The following FTCD variants were observed in gnomAD, a reference collection of about 807,000 sequenced individuals.
FTCD encodes the protein formimidoyltransferase-cyclodeaminase.
Under a neutral mutation model 62.9 loss-of-function variants are expected in FTCD, and 76 were observed. The observed-to-expected ratio is 1.21, with a 90% CI of 1.00 to 1.46. The LOEUF (loss-of-function observed/expected upper bound fraction) is 1.46. Ranked by LOEUF, FTCD falls within the 40% of genes most tolerant of loss-of-function variation. The pLI, the probability that FTCD is intolerant of heterozygous loss-of-function variation, is 0.00. For missense variants in FTCD, 845 were observed against 751.3 expected, an observed-to-expected ratio of 1.12 and a Z score of -1.46; for synonymous variants, 397 against 336.9, an observed-to-expected ratio of 1.18 and a Z score of -1.95.
At chr21:46,137,693 AGGGACTGAG>A (rs1042922546) in intron 12 of FTCD, among the ~76,000 whole-genome samples, 10 of 152,030 alleles carry the variant, frequency 6.6e-5, no homozygotes, top group African/African-American at 2.4e-4. Context: ...GACACTTCCC[AGGGACTGAG>A]GGGACACTTC....
chr21:46,150,631 G>A (rs183368903), intron 5 of FTCD, 106 bp from the exon 6 acceptor site: 1 of 1,176,296 alleles, frequency 8.5e-7, no homozygotes, highest in East Asian at 2.3e-5. Flanking sequence ...GGAGGAGCCT[G>A]TGCCTGGGTG....
At position 46,137,226 on chromosome 21, in the gene FTCD, G is replaced by C. The variant is rs750720472; in HGVS notation, c.1539+13C>G. 3 of 1,602,244 alleles carry C rather than the reference G, an allele frequency of 1.9e-6. No individual in the cohort carries two copies. Among genetic ancestry groups the C allele is most frequent in the Admixed American group, 1.7e-5 (1 of 59,992 alleles). On this transcript the variant is annotated intron_variant, in intron 13 of 13. Transcript: ENST00000397746. ...CACGTGGGGTCCGGGCACCACACCTGCCTCCTGCTCACCTGGTCCTTAAAT... is the reference window on the plus strand; with the variant it reads ...CACGTGGGGTCCGGGCACCACACCTCCCTCCTGCTCACCTGGTCCTTAAAT...
At chr21:46,149,433 G>A (rs745449103) in intron 7 of FTCD, among the ~76,000 whole-genome samples, 8 of 152,190 alleles carry the variant, frequency 5.3e-5, no homozygotes, top group Non-Finnish European at 7.3e-5. Flanking sequence ...CACAAGTCAC[G>A]AGAGCTAAAT....
In FTCD at chr21:46,150,198, T is replaced by A. The variant is rs1298155077; in HGVS notation, c.827A>T (p.Lys276Met). Reference sequence around the variant, plus strand: ...GAAGGCGGCCGCATCCAGCAGAGCCTTCAGGGGCACCAGGCCCACCAGCTG... The same window carrying A: ...GAAGGCGGCCGCATCCAGCAGAGCCATCAGGGGCACCAGGCCCACCAGCTG... ...GSQLVGLVPLKALLDAAAFYC... is the reference protein window; with the variant it reads ...GSQLVGLVPLMALLDAAAFYC... Residue 276 changes from lysine (K) to methionine (M), a missense_variant, in exon 7 of 14, where the codon AAG (lysine) becomes ATG (methionine). Coordinates refer to ENST00000397746, the MANE Select transcript of FTCD (RefSeq NM_206965.2). 1 of 1,609,614 alleles carries A rather than the reference T, an allele frequency of 6.2e-7. No individual in the cohort carries two copies. The highest frequency in any genetic ancestry group is 8.5e-7 in the Non-Finnish European group (1 of 1,178,688).
chr21:46,141,009 C>T (rs1289130537), intron 10 of FTCD, among the ~76,000 whole-genome samples: 4 of 152,266 alleles, frequency 2.6e-5, no homozygotes, highest in Non-Finnish European at 5.9e-5. Context: ...GCTCATGGTT[C>T]TCTAAACCAC....
chr21:46,151,411 CGGAGGCTGGGCCGGTCTGCAGGTG>C, intron 5 of FTCD, 123 bp downstream of exon 5: 3 of 747,092 alleles, frequency 4.0e-6, no homozygotes. Flanking sequence ...GGTGTGGACG[CGGAGGCTGGGCCGGTCTGCAGGTG>C]GGAGGCCGAA....
rs751848539 is a variant in FTCD, at chr21:46,137,041, T to C, written c.1572A>G (p.Glu524=). ...IHHRVSSLLQ[E]AKTQAALVLD... The stretch of plus-strand genomic sequence containing the variant: ...GCACCAGTGCAGCCTGGGTCTTGGC[T>C]TCCTGCAGGAGGCTGGAAACACGAT... Residue 524 remains glutamate, a synonymous_variant, in exon 14 of 14, where the codon GAA becomes GAG. Coordinates refer to ENST00000397746, the MANE Select transcript of FTCD (RefSeq NM_206965.2). 1 of 1,613,754 alleles carries C rather than the reference T, an allele frequency of 6.2e-7. No individual in the cohort carries two copies. The highest frequency in any genetic ancestry group is 8.5e-7 in the Non-Finnish European group (1 of 1,180,018).
At chr21:46,138,680 G>T (rs370432703) in intron 11 of FTCD, 34 bp from the exon 12 acceptor site, 19 of 1,590,046 alleles carry the variant, frequency 1.2e-5, no homozygotes, top group Non-Finnish European at 1.4e-5. Flanking sequence ...TGAGCACAGC[G>T]GCACACACAG....
chr21:46,136,718 C>A, downstream of FTCD: 4 of 1,475,064 alleles, frequency 2.7e-6, no homozygotes, highest in South Asian at 4.2e-5. Flanking sequence ...CCTGCTCCTG[C>A]CCCAAGACCC....
At position 46,137,095 on chromosome 21, in the gene FTCD, G is replaced by C. The variant is rs373007708; in HGVS notation, c.1540-22C>G. 3.7e-6 allele frequency: 6 copies of C among 1,613,480 alleles called. No individual in the cohort carries two copies. In the African/African-American group the frequency reaches 8.0e-5, roughly 22 times the overall value. On this transcript the variant is annotated intron_variant, in intron 13 of 13. Coordinates refer to ENST00000397746, the MANE Select transcript of FTCD (RefSeq NM_206965.2). ...GGATCTGATGGACACAGGGAAAGAG[G>C]GGTCTGGTAGTTCCAGTCTTCAGCC...
intron 7 of FTCD, among the ~76,000 whole-genome samples, chr21:46,148,685 C>T (rs1225858117): frequency 6.6e-6 from 1 of 152,184 alleles, no homozygotes; most frequent in Non-Finnish European, 1.5e-5. Flanking sequence ...CAACATCAGA[C>T]TAGTCCCCAC....
At chr21:46,147,376 T>C (rs1281366220) in intron 7 of FTCD, among the ~76,000 whole-genome samples, 2 of 151,958 alleles carry the variant, frequency 1.3e-5, no homozygotes, top group African/African-American at 4.8e-5. Context: ...TTCACTCTTG[T>C]GTGGTTCCAG....
At chr21:46,143,660 A>G (rs2079066364) in intron 10 of FTCD, among the ~76,000 whole-genome samples, 1 of 152,208 alleles carries the variant, frequency 6.6e-6, no homozygotes, top group Non-Finnish European at 1.5e-5. Flanking sequence ...GCTCTTTGTC[A>G]GGCCTGGGCA....
In FTCD at chr21:46,138,605, G is replaced by C. The variant is rs894147280; in HGVS notation, c.1346C>G (p.Ser449Cys). ...CGTCTCCGCCAGCGTCAGCGGCACAGAGACTGCCCGCCTCAGACCCTCCTG... is the reference window on the plus strand; with the variant it reads ...CGTCTCCGCCAGCGTCAGCGGCACACAGACTGCCCGCCTCAGACCCTCCTG... ...ALQEGLRRAVSVPLTLAETVA... is the reference protein window; with the variant it reads ...ALQEGLRRAVCVPLTLAETVA... Residue 449 changes from serine to cysteine, a missense_variant, in exon 12 of 14, where the codon TCT becomes TGT. Physicochemically the swap from Ser to Cys is moderately radical, Grantham distance 112 (BLOSUM62 -1). Transcript: ENST00000397746. 2 of 1,592,280 alleles carry C rather than the reference G, an allele frequency of 1.3e-6. No homozygotes were observed. The highest frequency in any genetic ancestry group is 1.7e-6 in the Non-Finnish European group (2 of 1,176,404).
At chr21:46,152,428 C>T (rs759292768) in intron 3 of FTCD, 25 of 204,024 alleles carry the variant, frequency 1.2e-4, no homozygotes, top group East Asian at 5.4e-4. Context: ...ACGGGGGTTA[C>T]GTGTGCCCTG....
intron 7 of FTCD, among the ~76,000 whole-genome samples, chr21:46,148,834 G>T (rs2079206007): frequency 1.3e-5 from 2 of 152,316 alleles, no homozygotes; most frequent in South Asian, 2.1e-4. Context: ...GATTGGAGGA[G>T]AAATCGCTAT....
intron 3 of FTCD, chr21:46,152,183 AC>A (rs2079306159): frequency 1.9e-6 from 1 of 525,314 alleles, no homozygotes; most frequent in Non-Finnish European, 3.4e-6. Context: ...ACCCCTGCCC[AC>A]CCCCTCCTCA....
chr21:46,145,334 G>A, intron 10 of FTCD, 83 bp downstream of exon 10: 1 of 1,192,840 alleles, frequency 8.4e-7, no homozygotes, highest in East Asian at 2.6e-5. Flanking sequence ...CCCAGCCGGA[G>A]GCTGACCCGC....
chr21:46,141,499 G>A (rs1383208245), intron 10 of FTCD, among the ~76,000 whole-genome samples: 1 of 151,986 alleles, frequency 6.6e-6, no homozygotes, highest in African/African-American at 2.4e-5. Flanking sequence ...GCCTGTCCGG[G>A]TCTAAAGTTC....
Sources: allele counts gnomAD v4.1 joint callset (sites outside exome capture counted in the v4.1 genomes callset), GRCh38; gene constraint gnomAD v4.1.1; transcripts MANE v1.5; gene names NCBI Gene and HGNC (gene_info 2026-07-23, HGNC 2026-07-21).